SORCS2: variants seen among roughly 807,000 people sequenced by gnomAD.
The protein encoded by SORCS2 is sortilin related VPS10 domain containing receptor 2.
In SORCS2, 100 loss-of-function variants were observed where a neutral mutation model predicts 141.6. The observed-to-expected ratio is 0.71, with a 90% confidence interval of 0.60 to 0.83. The LOEUF is 0.83. Ranked by LOEUF, SORCS2 falls within the 40% of genes least tolerant of loss-of-function variation. The probability of loss-of-function intolerance (pLI) is 0.00; values close to 1 mark genes in which losing one functional copy is unlikely to be tolerated. For missense variants in SORCS2, 1,646 were observed against 1,560.2 expected (o/e 1.05, Z -0.93); for synonymous variants, 789 against 676.9 (o/e 1.17, Z -2.57).
At chr4:7,267,387 C>T (rs1437425701) in intron 1 of SORCS2, among the ~76,000 whole-genome samples, 1 of 152,178 alleles carries the variant, frequency 6.6e-6, no homozygotes, top group African/African-American at 2.4e-5. Context: ...GCCGCAGCTC[C>T]GAGGATGGGT....
intron 5 of SORCS2, among the ~76,000 whole-genome samples, 162 bp downstream of exon 5, chr4:7,654,369 C>T (rs555570138): frequency 6.6e-6 from 1 of 152,336 alleles, no homozygotes; most frequent in South Asian, 2.1e-4. Flanking sequence ...CCTGCAGCCC[C>T]ACACCCTCCT....
intron 1 of SORCS2, among the ~76,000 whole-genome samples, chr4:7,197,198 TCTTGTAA>T: frequency 6.6e-6 from 1 of 152,216 alleles, no homozygotes; most frequent in Non-Finnish European, 1.5e-5. Context: ...CATCTCCATT[TCTTGTAA>T]GGGCACCAGT....
At chr4:7,724,299 T>C (rs1340990356) in intron 19 of SORCS2, among the ~76,000 whole-genome samples, 2 of 117,764 alleles carry the variant, frequency 1.7e-5, no homozygotes, top group Non-Finnish European at 3.5e-5. Context: ...GTGATAATGG[T>C]GACAATGGTG....
chr4:7,513,486 C>T (rs963776283), intron 2 of SORCS2, among the ~76,000 whole-genome samples: 14 of 152,208 alleles, frequency 9.2e-5, no homozygotes, highest in African/African-American at 3.4e-4. Context: ...TAAGCCAGGC[C>T]AGAGCCGGGA....
At chr4:7,500,703 G>A (rs749202521) in intron 2 of SORCS2, among the ~76,000 whole-genome samples, 14 of 152,240 alleles carry the variant, frequency 9.2e-5, no homozygotes, top group Non-Finnish European at 1.8e-4. Context: ...GAGAGGAACC[G>A]GCTTTTACAT....
chr4:7,420,943 G>T (rs1250452497), intron 2 of SORCS2, among the ~76,000 whole-genome samples: 4 of 152,200 alleles, frequency 2.6e-5, no homozygotes, highest in Non-Finnish European at 4.4e-5. Flanking sequence ...CGTTGCAGGG[G>T]ACAGCAGGGT....
chr4:7,682,661 C>T (rs1302559849), intron 9 of SORCS2, 82 bp from the exon 10 acceptor site: 1 of 1,403,922 alleles, frequency 7.1e-7, no homozygotes. Context: ...AGCACTTTAG[C>T]AAGGGGCTGG....
intron 1 of SORCS2, among the ~76,000 whole-genome samples, chr4:7,314,074 A>G (rs954101910): frequency 2.6e-5 from 4 of 152,130 alleles, no homozygotes; most frequent in African/African-American, 9.7e-5. Context: ...CAGATCCCCA[A>G]CCCGTGGTGC....
chr4:7,252,200 G>A (rs939817200), intron 1 of SORCS2, among the ~76,000 whole-genome samples: 4 of 152,172 alleles, frequency 2.6e-5, no homozygotes, highest in African/African-American at 7.2e-5. Flanking sequence ...CTGGGGAGTC[G>A]CCAAGGAGGC....
chr4:7,358,098 A>T (rs748147926), intron 1 of SORCS2, among the ~76,000 whole-genome samples: 1 of 152,160 alleles, frequency 6.6e-6, no homozygotes, highest in Non-Finnish European at 1.5e-5. Flanking sequence ...GGTCTCATGG[A>T]TGCGGAATCT....
chr4:7,230,343 C>G (rs28588132), intron 1 of SORCS2, among the ~76,000 whole-genome samples: 34,790 of 49,352 alleles, frequency 0.7, 11,606 homozygotes, highest in African/African-American at 0.8. Flanking sequence ...CTGGGCAGGA[C>G]TAGTGTCATG....
Position 7,734,357 on chromosome 4 carries a change from C to T in SORCS2, c.3294C>T (p.Ile1098=), listed in dbSNP as rs1463055917. The T allele has an allele frequency of 1.3e-6, 2 of 1,569,770 alleles. No individual in the cohort carries two copies. Among genetic ancestry groups the T allele is most frequent in the East Asian group, 2.3e-5 (1 of 43,404 alleles). ...GGCTCTTCGCAGCGGGAGCCTTCATCCTCTACAAGTTCAAAAGGCAAGGCC... is the reference window on the plus strand; with the variant it reads ...GGCTCTTCGCAGCGGGAGCCTTCATTCTCTACAAGTTCAAAAGGCAAGGCC... The part of the protein sequence containing the change: ...VIGLFAAGAF[I]LYKFKRKRPG... Residue 1098 remains isoleucine (I), a synonymous_variant, in exon 25 of 27, where the codon ATC becomes ATT. Coordinates refer to ENST00000507866, the MANE Select transcript of SORCS2 (RefSeq NM_020777.3).
At chr4:7,724,443 A>AATGGTGGTGGTGATGGTGGTGGTG (rs1216909435) in intron 19 of SORCS2, among the ~76,000 whole-genome samples, 1 of 45,526 alleles carries the variant, frequency 2.2e-5, no homozygotes, top group African/African-American at 9.8e-5. Context: ...TAATGGTGAC[A>AATGGTGGTGGTGATGGTGGTGGTG]ATGGTGGTGG....
intron 1 of SORCS2, among the ~76,000 whole-genome samples, chr4:7,389,425 A>G (rs1723715278): frequency 6.6e-6 from 1 of 152,156 alleles, no homozygotes; most frequent in Non-Finnish European, 1.5e-5. Context: ...CACTGATGGG[A>G]CTTCTTACAG....
chr4:7,537,095 A>G (rs1010703964), intron 3 of SORCS2, among the ~76,000 whole-genome samples: 4 of 152,196 alleles, frequency 2.6e-5, no homozygotes, highest in Non-Finnish European at 5.9e-5. Flanking sequence ...TGTCTGCGCA[A>G]GCACAGCCCG....
chr4:7,474,968 C>T (rs983322855), intron 2 of SORCS2, among the ~76,000 whole-genome samples: 3 of 152,176 alleles, frequency 2.0e-5, no homozygotes, highest in Non-Finnish European at 4.4e-5. Context: ...CTTCACATGA[C>T]TGTCCCTGCT....
chr4:7,210,171 G>A (rs1011840182), intron 1 of SORCS2, among the ~76,000 whole-genome samples: 1 of 152,216 alleles, frequency 6.6e-6, no homozygotes, highest in African/African-American at 2.4e-5. Context: ...GGGCCAGGTG[G>A]GTGGGGACGT....
chr4:7,425,718 C>T (rs770567118), intron 2 of SORCS2, among the ~76,000 whole-genome samples: 1 of 152,202 alleles, frequency 6.6e-6, no homozygotes, highest in Non-Finnish European at 1.5e-5. Flanking sequence ...TTGGCCCGGC[C>T]CGCAGTGGAC....
Position 7,464,266 on chromosome 4 carries a change from GT to G in SORCS2, c.549-67263del, listed in dbSNP as rs374246468. 4.0e-4 allele frequency among the ~76,000 whole-genome samples: 61 copies of G among 152,350 alleles called. 1 individual carries two copies. The South Asian group carries it at 0.012, about 31-fold the overall frequency. Reference sequence around the variant, plus strand: ...CCCCTAACTCTAGCTGGAGAAGCCAGTAGAAGTCTCCATGGAGGTGGAACAG... The same window carrying G: ...CCCCTAACTCTAGCTGGAGAAGCCAGAGAAGTCTCCATGGAGGTGGAACAG... On this transcript the variant is annotated intron_variant, in intron 2 of 26. Coordinates refer to ENST00000507866, the MANE Select transcript of SORCS2 (RefSeq NM_020777.3).
Sources: gnomAD v4.1 joint callset for allele counts (sites outside exome capture counted in the v4.1 genomes callset) on GRCh38, gnomAD v4.1.1 for gene constraint, MANE v1.5 for transcripts, NCBI Gene and HGNC (gene_info 2026-07-23, HGNC 2026-07-21) for gene names.